Variants in CPNE7 observed in about 807,000 individuals in gnomAD.
CPNE7 encodes the protein copine-7.
CPNE7 carries 78 observed loss-of-function variants against 66.5 expected under a neutral mutation model. The observed-to-expected ratio is 1.17, with a 90% confidence interval of 0.98 to 1.42. The LOEUF is 1.42. Ranked by LOEUF, CPNE7 falls within the 40% of genes most tolerant of loss-of-function variation. The probability of loss-of-function intolerance (pLI) is 0.00; values close to 1 mark genes in which losing one functional copy is unlikely to be tolerated. For synonymous variants in CPNE7, 468 were observed against 336.7 expected, an observed-to-expected ratio of 1.39 and a Z score of -4.27; for missense variants, 1,012 against 776.6, an observed-to-expected ratio of 1.30 and a Z score of -3.60.
rs369731880 is a variant in CPNE7, at chr16:89,585,645, G to A, written c.682-42G>A. 48 of 1,554,924 alleles carry A rather than the reference G, an allele frequency of 3.1e-5. 1 individual carries two copies. The African/African-American group carries it at 5.9e-4, about 19-fold the overall frequency. ...CCTGGGCTCGGGTGGGAGGGTCCTG[G>A]GGCCCCCAGACAGCAGTGCTGAGGA... On this transcript the variant is annotated intron_variant, in intron 6 of 14. Coordinates refer to ENST00000319518, the MANE Select transcript of CPNE7 (RefSeq NM_153636.3).
At chr16:89,594,047 T>G (rs1057410640) in intron 13 of CPNE7, 1 of 152,274 alleles carries the variant, frequency 6.6e-6, no homozygotes, top group African/African-American at 2.4e-5. Context: ...GTCTTACCCG[T>G]GACATGGTTT....
chr16:89,594,562 T>C (rs1248042117), intron 13 of CPNE7, among the ~76,000 whole-genome samples: 1 of 151,866 alleles, frequency 6.6e-6, no homozygotes, highest in Non-Finnish European at 1.5e-5. Flanking sequence ...TGTTTCCCGT[T>C]GTCCACAGTT....
chr16:89,595,329 C>T, intron 13 of CPNE7, 38 bp from the exon 14 acceptor site: 1 of 1,507,150 alleles, frequency 6.6e-7, no homozygotes, highest in Non-Finnish European at 9.0e-7. Context: ...TGGGCCATGG[C>T]AGGTGTGGTG....
chr16:89,590,333 T>C (rs2059148517), intron 11 of CPNE7, among the ~76,000 whole-genome samples: 1 of 152,166 alleles, frequency 6.6e-6, no homozygotes, highest in African/African-American at 2.4e-5. Context: ...CAGACCAGCC[T>C]GGCCATCATG....
At chr16:89,583,964 G>T in intron 3 of CPNE7, 64 bp from the exon 4 acceptor site, 1 of 1,578,110 alleles carries the variant, frequency 6.3e-7, no homozygotes, top group Non-Finnish European at 8.6e-7. Context: ...TGGGGCCTCT[G>T]GTCCCCCACG....
chr16:89,587,747 CCCGTGTCA>C, intron 9 of CPNE7: 1 of 137,904 alleles, frequency 7.3e-6, no homozygotes, highest in South Asian at 6.5e-5. Flanking sequence ...ATACACGGCC[CCCGTGTCA>C]CCCGCGTGTC....
chr16:89,587,154 C>CAT lies in CPNE7; in HGVS notation c.927+52_927+53insAT, dbSNP rs1567959574. 325 of 594,714 alleles carry CAT rather than the reference C, an allele frequency of 5.5e-4. 3 individuals are homozygous for CAT. Among genetic ancestry groups the CAT allele is most frequent in the East Asian group, 3.0e-3 (56 of 18,972 alleles). The allele number at this position is 594,714 out of a possible 1,614,324, so 36.8% of individuals were successfully genotyped here. The stretch of plus-strand genomic sequence containing the variant: ...GCCCCCTCAGTCCGTGGCCCCGCCC[C>CAT]GCCCCGCCCCCTCAGTCCGTGGCCC... On this transcript the variant is annotated intron_variant, in intron 9 of 14. Coordinates refer to ENST00000319518, the MANE Select transcript of CPNE7 (RefSeq NM_153636.3).
intron 2 of CPNE7, among the ~76,000 whole-genome samples, chr16:89,580,434 AGAACATCTCACCCATCACACG>A (rs1597694888): frequency 1.5e-5 from 1 of 65,444 alleles, no homozygotes; most frequent in African/African-American, 6.5e-5. Context: ...CCCATCACAC[AGAACATCTCACCCATCACACG>A]GAACATCTCA....
At chr16:89,587,022 G>T (rs768611740) in intron 8 of CPNE7, 21 bp from the exon 9 acceptor site, 1 of 1,570,242 alleles carries the variant, frequency 6.4e-7, no homozygotes, top group South Asian at 1.2e-5. Context: ...GGGGGTGGAC[G>T]CTGACTCCGC....
At chr16:89,577,197 C>T (rs1290187917) in intron 1 of CPNE7, among the ~76,000 whole-genome samples, 1 of 152,184 alleles carries the variant, frequency 6.6e-6, no homozygotes, top group Non-Finnish European at 1.5e-5. Context: ...TACGCCCCCT[C>T]CCCACTCAGC....
Position 89,595,559 on chromosome 16 carries a change from C to T in CPNE7, c.1495C>T (p.Leu499Phe), listed in dbSNP as rs2059241847. Reference protein sequence around the residue: ...VLRSPRGEPALRDIVQFVPFR... With the variant: ...VLRSPRGEPAFRDIVQFVPFR... ...GCGCTCCCCACGGGGTGAGCCCGCG[C>T]TCCGGGACATCGTACAGTTCGTGCC... Residue 499 changes from leucine (L) to phenylalanine (F), a missense_variant, in exon 14 of 15, where the codon CTC becomes TTC. Physicochemically the swap from Leu to Phe is conservative, Grantham distance 22. Coordinates refer to ENST00000319518, the MANE Select transcript of CPNE7 (RefSeq NM_153636.3). 1.9e-6 allele frequency: 3 copies of T among 1,611,902 alleles called. No homozygotes were observed. Among genetic ancestry groups the T allele is most frequent in the Non-Finnish European group, 2.5e-6 (3 of 1,179,308 alleles).
At chr16:89,586,284 A>T (rs1195342946) in intron 7 of CPNE7, among the ~76,000 whole-genome samples, 4 of 151,860 alleles carry the variant, frequency 2.6e-5, no homozygotes, top group African/African-American at 9.7e-5. Context: ...TCAGCTGGAC[A>T]TTTCAGGCAC....
intron 2 of CPNE7, among the ~76,000 whole-genome samples, chr16:89,580,963 T>G (rs1433487363): frequency 3.3e-5 from 3 of 91,248 alleles, no homozygotes; most frequent in South Asian, 7.6e-4. Flanking sequence ...CCCGCTGACA[T>G]GGAACATCTC....
rs771313812 is a variant in CPNE7 at position 89,591,027 on chromosome 16, C to T, written c.1137C>T (p.Ile379=). The T allele has an allele frequency of 1.4e-5, 23 of 1,613,576 alleles. No individual in the cohort carries two copies. Among genetic ancestry groups the T allele is most frequent in the East Asian group, 4.5e-5 (2 of 44,872 alleles). ...PKYEVSHDFA[I]NFNPEDDECE... Reference sequence around the variant, plus strand: ...CCCAGGTGTCCCATGACTTTGCCATCAATTTCAACCCTGAGGACGATGAGT... The same window carrying T: ...CCCAGGTGTCCCATGACTTTGCCATTAATTTCAACCCTGAGGACGATGAGT... Residue 379 remains isoleucine, a synonymous_variant, in exon 12 of 15, where the codon ATC becomes ATT. Transcript: ENST00000319518.
rs1049432108 is a variant in CPNE7 at position 89,589,649 on chromosome 16, A to G, written c.1062-248A>G. 4.6e-5 allele frequency among the ~76,000 whole-genome samples: 7 copies of G among 152,118 alleles called. No homozygotes were observed. In the South Asian group the frequency reaches 6.2e-4, roughly 14 times the overall value. On this transcript the variant is annotated intron_variant, in intron 10 of 14. Transcript: ENST00000319518. ...CCCCCGGGGAGGCGTCTGCAGGGGG[A>G]CAGCATGTACACAAACGTGGAGTTG...
chr16:89,578,771 A>C, intron 2 of CPNE7: 1 of 1,407,788 alleles, frequency 7.1e-7, no homozygotes. Flanking sequence ...AAAAAAAAAA[A>C]AAAAAAAGAA....
At chr16:89,577,870 T>C (rs2058885433) in intron 2 of CPNE7, 149 bp downstream of exon 2, 3 of 649,124 alleles carry the variant, frequency 4.6e-6, no homozygotes, top group Admixed American at 2.9e-5. Flanking sequence ...CAGTCATTAT[T>C]AGATTAAAAT....
At chr16:89,588,233 C>T (rs571443637) in intron 9 of CPNE7, among the ~76,000 whole-genome samples, 26 of 150,712 alleles carry the variant, frequency 1.7e-4, no homozygotes, top group African/African-American at 5.3e-4. Flanking sequence ...ACACGGCCCC[C>T]GTGTCACCCG....
rs1170298459 is a variant in CPNE7 at position 89,591,277 on chromosome 16, T to C, written c.1302+17T>C. The stretch of plus-strand genomic sequence containing the variant: ...AAAGCCTCTGTAGGTGCCCGGGGGG[T>C]GTGGTGCATGCTTGGTGTGGGGTCG... On this transcript the variant is annotated intron_variant, in intron 13 of 14. Transcript: ENST00000319518. 4 of 1,550,942 alleles carry C rather than the reference T, an allele frequency of 2.6e-6. No individual in the cohort carries two copies. In the African/African-American group the frequency reaches 4.1e-5, roughly 16 times the overall value.
Sources: allele counts gnomAD v4.1 joint callset (sites outside exome capture counted in the v4.1 genomes callset), GRCh38; gene constraint gnomAD v4.1.1; transcripts MANE v1.5; gene names NCBI Gene and HGNC (gene_info 2026-07-23, HGNC 2026-07-21).